SORCS1: variants seen among roughly 807,000 people sequenced by gnomAD.
SORCS1 encodes the protein sortilin related VPS10 domain containing receptor 1.
In SORCS1, 60 loss-of-function variants were observed where a neutral mutation model predicts 146.1. The ratio of observed to expected loss-of-function variants is 0.41; its 90% CI spans 0.33 to 0.51. SORCS1 has a LOEUF of 0.51. Among genes scored for constraint, SORCS1 ranks in the 20% least tolerant of loss-of-function variants. The pLI is 0.21. For missense variants in SORCS1, 1,352 were observed against 1,487.6 expected, an observed-to-expected ratio of 0.91 and a Z score of 1.50; for synonymous variants, 637 against 584.0, an observed-to-expected ratio of 1.09 and a Z score of -1.31.
chr10:106,954,436 T>C (rs567998879), intron 2 of SORCS1, among the ~76,000 whole-genome samples: 2 of 152,248 alleles, frequency 1.3e-5, no homozygotes, highest in Admixed American at 1.3e-4. Context: ...ATTATACTTT[T>C]ATTAAGTCCC....
At chr10:107,180,532 G>A in the SORCS1 span, among the ~76,000 whole-genome samples, 2 of 151,682 alleles carry the variant, frequency 1.3e-5, no homozygotes, top group African/African-American at 4.8e-5. Context: ...TCCTTTGTTG[G>A]TCTTCCTATG....
chr10:106,606,715 C>A (rs1846619183), intron 23 of SORCS1, among the ~76,000 whole-genome samples: 2 of 152,166 alleles, frequency 1.3e-5, no homozygotes, highest in Non-Finnish European at 2.9e-5. Flanking sequence ...TTCCCATAAT[C>A]CCCACTTGCC....
At chr10:106,872,392 G>C (rs1950445274) in intron 2 of SORCS1, among the ~76,000 whole-genome samples, 1 of 152,198 alleles carries the variant, frequency 6.6e-6, no homozygotes, top group African/African-American at 2.4e-5. Context: ...AGCTGAGGAA[G>C]AGAGCTGTAG....
At chr10:106,744,306 C>T (rs1030079768) in intron 5 of SORCS1, among the ~76,000 whole-genome samples, 2 of 152,096 alleles carry the variant, frequency 1.3e-5, no homozygotes, top group Non-Finnish European at 1.5e-5. Context: ...GGGGTTTCAC[C>T]GTGTTAGCCA....
At chr10:106,884,073 G>T (rs1418632658) in intron 2 of SORCS1, among the ~76,000 whole-genome samples, 2 of 151,984 alleles carry the variant, frequency 1.3e-5, no homozygotes, top group Non-Finnish European at 2.9e-5. Context: ...CTTAGCATCT[G>T]GGAAAGCTGT....
intron 2 of SORCS1, among the ~76,000 whole-genome samples, chr10:106,940,188 T>C (rs1166104698): frequency 1.3e-5 from 2 of 152,186 alleles, no homozygotes; most frequent in African/African-American, 2.4e-5. Context: ...GCAATGACAA[T>C]AGATTAGAGC....
At chr10:106,915,309 C>T (rs1316675560) in intron 2 of SORCS1, among the ~76,000 whole-genome samples, 2 of 152,198 alleles carry the variant, frequency 1.3e-5, no homozygotes, top group Non-Finnish European at 2.9e-5. Flanking sequence ...CTATCATTTA[C>T]TCCCTGAGAA....
intron 21 of SORCS1, among the ~76,000 whole-genome samples, chr10:106,615,105 C>G (rs1407454675): frequency 6.6e-6 from 1 of 152,174 alleles, no homozygotes; most frequent in Non-Finnish European, 1.5e-5. Context: ...TCTGTTTCTT[C>G]CTGACTGTAA....
chr10:107,079,257 A>G (rs1238394479), intron 1 of SORCS1, among the ~76,000 whole-genome samples: 2 of 152,090 alleles, frequency 1.3e-5, no homozygotes, highest in African/African-American at 4.8e-5. Context: ...TTGAGATCAT[A>G]AAGAAAGACT....
At chr10:106,835,947 G>A (rs1281320290) in intron 2 of SORCS1, among the ~76,000 whole-genome samples, 1 of 151,462 alleles carries the variant, frequency 6.6e-6, no homozygotes, top group Non-Finnish European at 1.5e-5. Flanking sequence ...GGAGGTTGCA[G>A]TCAGCTGAGA....
chr10:106,663,788 G>T (rs369822772), intron 17 of SORCS1, among the ~76,000 whole-genome samples: 2 of 152,144 alleles, frequency 1.3e-5, no homozygotes, highest in Non-Finnish European at 2.9e-5. Context: ...CCCAGCTAAG[G>T]GTCTTCGTGT....
intron 2 of SORCS1, among the ~76,000 whole-genome samples, chr10:106,923,518 T>A (rs1952828802): frequency 6.6e-6 from 1 of 152,210 alleles, no homozygotes; most frequent in Non-Finnish European, 1.5e-5. Flanking sequence ...AGATTATGTT[T>A]AGTTTTATAA....
intron 6 of SORCS1, among the ~76,000 whole-genome samples, chr10:106,719,851 G>C (rs1191388594): frequency 1.3e-5 from 2 of 152,052 alleles, no homozygotes; most frequent in African/African-American, 4.8e-5. Flanking sequence ...ACGTTTGCCC[G>C]CCCCTCTCTC....
intron 18 of SORCS1, among the ~76,000 whole-genome samples, chr10:106,645,515 A>T (rs1434268403): frequency 6.6e-6 from 1 of 152,070 alleles, no homozygotes; most frequent in Admixed American, 6.6e-5. Flanking sequence ...TTTAAAATGT[A>T]AACCTTCTGA....
At chr10:106,652,940 TAATA>T (rs1320622931) in intron 17 of SORCS1, among the ~76,000 whole-genome samples, 3 of 152,150 alleles carry the variant, frequency 2.0e-5, no homozygotes, top group African/African-American at 7.2e-5. Flanking sequence ...CTAGAATGAG[TAATA>T]AATATCGCAA....
chr10:107,101,507 T>C (rs1012028129), intron 1 of SORCS1, among the ~76,000 whole-genome samples: 1 of 152,220 alleles, frequency 6.6e-6, no homozygotes, highest in African/African-American at 2.4e-5. Flanking sequence ...ACTACCATTA[T>C]AGGCTCATAC....
At chr10:107,141,040 C>A (rs1967788978) in intron 1 of SORCS1, among the ~76,000 whole-genome samples, 2 of 152,202 alleles carry the variant, frequency 1.3e-5, no homozygotes, top group African/African-American at 2.4e-5. Context: ...TTAGTTCAGT[C>A]TCTACAGTCC....
rs535379945 is a variant in SORCS1 at position 106,611,466 on chromosome 10, C to T, written c.3033+445G>A. The stretch of plus-strand genomic sequence containing the variant: ...ACTGAATGCTCACTGCACTGTTATG[C>T]TCACAGTTGCGGAAGTTGGAACCTG... On this transcript the variant is annotated intron_variant, in intron 22 of 25. Transcript: ENST00000263054. Among the ~76,000 whole-genome samples the T allele has an allele frequency of 7.2e-5, 11 of 152,310 alleles. 1 individual carries two copies. In the South Asian group the frequency reaches 2.1e-3, roughly 29 times the overall value.
intron 1 of SORCS1, among the ~76,000 whole-genome samples, chr10:107,103,845 T>C (rs891144168): frequency 6.6e-6 from 1 of 152,178 alleles, no homozygotes; most frequent in Non-Finnish European, 1.5e-5. Context: ...CAAATCCTCC[T>C]AAGCACCCGT....
Sources: gnomAD v4.1 joint callset for allele counts (sites outside exome capture counted in the v4.1 genomes callset) on GRCh38, gnomAD v4.1.1 for gene constraint, MANE v1.5 for transcripts, NCBI Gene and HGNC (gene_info 2026-07-23, HGNC 2026-07-21) for gene names.